The following WDR27 variants were observed in gnomAD, a reference collection of about 807,000 sequenced individuals.
The protein encoded by WDR27 is WD repeat-containing protein 27.
A neutral mutation model predicts 114.4 loss-of-function variants in WDR27; 100 were observed. The ratio of observed to expected loss-of-function variants is 0.87; its 90% CI spans 0.74 to 1.03. The LOEUF is 1.03. Among genes scored for constraint, WDR27 ranks in the 50% least tolerant of loss-of-function variants. The pLI, the probability that WDR27 is intolerant of heterozygous loss-of-function variation, is 0.00. For synonymous variants in WDR27, 449 were observed against 423.1 expected, an observed-to-expected ratio of 1.06 and a Z score of -0.75; for missense variants, 1,129 against 1,092.9, an observed-to-expected ratio of 1.03 and a Z score of -0.47.
At chr6:169,472,337 A>G (rs1218144470) in intron 25 of WDR27, among the ~76,000 whole-genome samples, 2 of 152,134 alleles carry the variant, frequency 1.3e-5, no homozygotes, top group Admixed American at 1.3e-4. Flanking sequence ...AGCATCTAAG[A>G]CCTTTTATTA....
Position 169,659,892 on chromosome 6 carries a change from T to C in WDR27, c.1130-374A>G, listed in dbSNP as rs1825547670. 6.6e-6 allele frequency among the ~76,000 whole-genome samples: 1 copy of C among 151,582 alleles called. No homozygotes were observed. On this transcript the variant is annotated intron_variant, in intron 10 of 25. Coordinates refer to ENST00000448612, the MANE Select transcript of WDR27 (RefSeq NM_182552.5). This position sits in a 1 kb window ranked among gnomAD's most constrained non-coding sequence, Gnocchi z 4.3. ...ATTTGGGGGAAGGAAAGGCTGAGTTTTCAAGGAGAAGCTGCGCCTGGCTGA... is the reference window on the plus strand; with the variant it reads ...ATTTGGGGGAAGGAAAGGCTGAGTTCTCAAGGAGAAGCTGCGCCTGGCTGA...
chr6:169,539,064 A>G (rs1465524674), intron 25 of WDR27, among the ~76,000 whole-genome samples: 2 of 152,224 alleles, frequency 1.3e-5, no homozygotes, highest in Admixed American at 1.3e-4. Context: ...AATAAGCAAT[A>G]GCTTAGGGTG....
At chr6:169,486,291 G>T (rs567408637) in intron 25 of WDR27, among the ~76,000 whole-genome samples, 1 of 151,954 alleles carries the variant, frequency 6.6e-6, no homozygotes, top group Non-Finnish European at 1.5e-5. Flanking sequence ...ATTTCTCAAA[G>T]GACTTAAAAG....
intron 21 of WDR27, among the ~76,000 whole-genome samples, chr6:169,624,981 C>G (rs574000299): frequency 1.3e-5 from 2 of 152,246 alleles, no homozygotes; most frequent in Non-Finnish European, 2.9e-5. Flanking sequence ...CCGGCCCATC[C>G]ACTGAGGGGA....
chr6:169,688,766 A>C (rs1325287406), intron 2 of WDR27, 51 bp downstream of exon 2: 1 of 1,440,864 alleles, frequency 6.9e-7, no homozygotes, highest in Non-Finnish European at 9.3e-7. Context: ...AAAGACATGG[A>C]GAGACAAGGG....
At chr6:169,535,692 A>AC (rs1278849934) in intron 25 of WDR27, among the ~76,000 whole-genome samples, 4 of 152,134 alleles carry the variant, frequency 2.6e-5, no homozygotes, top group Non-Finnish European at 4.4e-5. Flanking sequence ...GTCCAAGACC[A>AC]CCCCAGCTTA....
intron 13 of WDR27, among the ~76,000 whole-genome samples, chr6:169,655,301 C>T (rs557395370): frequency 2.2e-4 from 34 of 152,376 alleles, no homozygotes; most frequent in Admixed American, 1.7e-3. Flanking sequence ...CTGCCATCGA[C>T]CTGCCATGTG....
At chr6:169,661,801 G>T (rs1033707952) in intron 9 of WDR27, among the ~76,000 whole-genome samples, 1 of 152,208 alleles carries the variant, frequency 6.6e-6, no homozygotes, top group African/African-American at 2.4e-5. Context: ...AAGCAAGGTT[G>T]CCCCCTAATC....
At chr6:169,670,717 G>C (rs1318084928) in intron 3 of WDR27, 24 bp from the exon 4 acceptor site, 1 of 1,612,734 alleles carries the variant, frequency 6.2e-7, no homozygotes, top group Admixed American at 1.7e-5. Flanking sequence ...CACCATTAGT[G>C]CCAGTTTACC....
At chr6:169,529,745 G>A (rs1344497274) in intron 25 of WDR27, among the ~76,000 whole-genome samples, 1 of 151,938 alleles carries the variant, frequency 6.6e-6, no homozygotes, top group East Asian at 1.9e-4. Flanking sequence ...ATTTGCATAA[G>A]CTTTTAAATT....
chr6:169,666,858 T>G, intron 6 of WDR27: 1 of 985,480 alleles, frequency 1.0e-6, no homozygotes, highest in Non-Finnish European at 1.2e-6. Context: ...CCCTGGGTAC[T>G]CAGGCATTTT....
At chr6:169,643,303 ATT>A (rs1224320255) in intron 17 of WDR27, among the ~76,000 whole-genome samples, 2 of 152,182 alleles carry the variant, frequency 1.3e-5, no homozygotes, top group Non-Finnish European at 2.9e-5. Flanking sequence ...TTAAAAAAAA[ATT>A]GTTTGCTTTG....
At chr6:169,528,664 T>G (rs767588808) in intron 25 of WDR27, among the ~76,000 whole-genome samples, 1 of 152,186 alleles carries the variant, frequency 6.6e-6, no homozygotes, top group Non-Finnish European at 1.5e-5. Flanking sequence ...ATAGCTGGGA[T>G]TACAGGCATG....
intron 25 of WDR27, among the ~76,000 whole-genome samples, chr6:169,509,873 C>T (rs1429517936): frequency 6.6e-6 from 1 of 152,144 alleles, no homozygotes; most frequent in Non-Finnish European, 1.5e-5. Flanking sequence ...ATTTTTGCAA[C>T]CTACTCATCT....
intron 21 of WDR27, among the ~76,000 whole-genome samples, chr6:169,618,921 C>T (rs1418964743): frequency 6.6e-6 from 1 of 152,170 alleles, no homozygotes; most frequent in African/African-American, 2.4e-5. Context: ...TGTAACCTTA[C>T]ACTCTTTCCC....
At chr6:169,550,048 A>G (rs772380582) in intron 25 of WDR27, among the ~76,000 whole-genome samples, 3 of 152,172 alleles carry the variant, frequency 2.0e-5, no homozygotes, top group African/African-American at 7.2e-5. Flanking sequence ...TGATGTGTCA[A>G]TGTAGGTTCA....
intron 23 of WDR27, among the ~76,000 whole-genome samples, chr6:169,588,769 G>A (rs1249115360): frequency 6.6e-6 from 1 of 152,222 alleles, no homozygotes; most frequent in Non-Finnish European, 1.5e-5. Context: ...ACCACTGGGT[G>A]AGGGTAACCC....
At chr6:169,585,144 C>G (rs546312478) in intron 23 of WDR27, among the ~76,000 whole-genome samples, 2 of 152,206 alleles carry the variant, frequency 1.3e-5, no homozygotes, top group East Asian at 3.9e-4. Context: ...TTTTACCATA[C>G]ATAAAAATCA....
At chr6:169,658,201 G>T in intron 13 of WDR27, 75 bp downstream of exon 13, 1 of 1,177,324 alleles carries the variant, frequency 8.5e-7, no homozygotes, top group Non-Finnish European at 1.2e-6. Flanking sequence ...AATTCGCAAA[G>T]CAATGCAGCA....
Sources: allele counts gnomAD v4.1 joint callset (sites outside exome capture counted in the v4.1 genomes callset), GRCh38; gene constraint gnomAD v4.1.1; non-coding constraint Gnocchi (gnomAD v3.1); transcripts MANE v1.5; gene names NCBI Gene and HGNC (gene_info 2026-07-23, HGNC 2026-07-21).